CPNE4: variants seen among roughly 807,000 people sequenced by gnomAD.
CPNE4 encodes copine-4.
A neutral mutation model predicts 67.9 loss-of-function variants in CPNE4; 25 were observed. The observed-to-expected ratio is 0.37, with a 90% confidence interval of 0.27 to 0.51. The LOEUF (loss-of-function observed/expected upper bound fraction) is 0.51. Ranked by LOEUF, CPNE4 falls within the 20% of genes least tolerant of loss-of-function variation. The pLI is 0.93. For missense variants in CPNE4, 464 were observed against 690.8 expected (o/e 0.67, Z 3.68); for synonymous variants, 242 against 244.9 (o/e 0.99, Z 0.11).
At chr3:131,779,862 T>G (rs1265000858) in intron 2 of CPNE4, among the ~76,000 whole-genome samples, 1 of 151,994 alleles carries the variant, frequency 6.6e-6, no homozygotes, top group African/African-American at 2.4e-5. Flanking sequence ...CTAAAGAACT[T>G]CTGTACAACA....
intron 2 of CPNE4, among the ~76,000 whole-genome samples, chr3:131,870,155 T>C (rs1425887874): frequency 2.0e-5 from 3 of 152,122 alleles, no homozygotes; most frequent in African/African-American, 7.2e-5. Context: ...AGCCTCTTAG[T>C]GGAATCACAA....
intron 3 of CPNE4, among the ~76,000 whole-genome samples, chr3:131,710,507 A>G (rs551846674): frequency 6.6e-6 from 1 of 152,308 alleles, no homozygotes; most frequent in African/African-American, 2.4e-5. Flanking sequence ...TCAAATTTAC[A>G]CAGGCTTGTA....
At chr3:131,969,590 G>A (rs1177275049) in intron 1 of CPNE4, among the ~76,000 whole-genome samples, 1 of 151,950 alleles carries the variant, frequency 6.6e-6, no homozygotes, top group Non-Finnish European at 1.5e-5. Context: ...TCTTCTCACT[G>A]ACTAAGAACA....
At chr3:131,603,428 A>T (rs931297484) in intron 7 of CPNE4, among the ~76,000 whole-genome samples, 1 of 152,176 alleles carries the variant, frequency 6.6e-6, no homozygotes, top group Non-Finnish European at 1.5e-5. Flanking sequence ...TGAGTGAACA[A>T]AAGCAAAATG....
intron 1 of CPNE4, among the ~76,000 whole-genome samples, chr3:131,936,941 A>G (rs1187006837): frequency 6.6e-6 from 1 of 151,918 alleles, no homozygotes; most frequent in Non-Finnish European, 1.5e-5. Flanking sequence ...AGTAAAGGAC[A>G]TAAAAACTAA....
At position 131,568,709 on chromosome 3, in the gene CPNE4, T is replaced by A. The variant is rs1411806329; in HGVS notation, c.928-4360A>T. On this transcript the variant is annotated intron_variant, in intron 10 of 15. Transcript: ENST00000429747. ...CCTCCATGACACCAAGTCCCCAGTG[T>A]GTGGAGCTGTTCCTGGGAAAAGGCT... Among the ~76,000 whole-genome samples the A allele has an allele frequency of 2.0e-5, 3 of 152,060 alleles. No individual in the cohort carries two copies. The East Asian group carries it at 5.8e-4, about 29-fold the overall frequency.
At chr3:131,627,594 A>C in intron 7 of CPNE4, among the ~76,000 whole-genome samples, 1 of 152,206 alleles carries the variant, frequency 6.6e-6, no homozygotes, top group East Asian at 1.9e-4. Flanking sequence ...GGGCAAAGTA[A>C]ATTGAAAATA....
intron 1 of CPNE4, among the ~76,000 whole-genome samples, chr3:131,909,394 A>G (rs2088892991): frequency 6.6e-6 from 1 of 152,160 alleles, no homozygotes; most frequent in Admixed American, 6.6e-5. Flanking sequence ...TGCAATTCAC[A>G]AGGCATCTGA....
intron 2 of CPNE4, among the ~76,000 whole-genome samples, chr3:131,882,321 T>A (rs888471410): frequency 3.3e-5 from 5 of 152,180 alleles, no homozygotes; most frequent in African/African-American, 4.8e-5. Context: ...CAAATGCAAT[T>A]AGAATCATTT....
chr3:131,984,296 T>A (rs2072987523), intron 1 of CPNE4, among the ~76,000 whole-genome samples: 1 of 152,214 alleles, frequency 6.6e-6, no homozygotes, highest in Admixed American at 6.5e-5. Flanking sequence ...CATATTAGAA[T>A]TTAATGGTTA....
At chr3:131,896,887 C>G (rs1339315138) in intron 2 of CPNE4, among the ~76,000 whole-genome samples, 1 of 152,032 alleles carries the variant, frequency 6.6e-6, no homozygotes, top group Non-Finnish European at 1.5e-5. Flanking sequence ...CTCAGGAATA[C>G]TTGCTCTAAA....
At chr3:131,548,703 C>G (rs1315543233) in intron 14 of CPNE4, among the ~76,000 whole-genome samples, 1 of 151,532 alleles carries the variant, frequency 6.6e-6, no homozygotes, top group Non-Finnish European at 1.5e-5. Context: ...ATATAGGGAG[C>G]GAAAGAGAAA....
intron 7 of CPNE4, among the ~76,000 whole-genome samples, chr3:131,656,428 G>C (rs1347637201): frequency 1.3e-5 from 2 of 152,110 alleles, no homozygotes; most frequent in Non-Finnish European, 2.9e-5. Context: ...GTAGATAAGA[G>C]GGGTATTTTT....
At chr3:132,000,162 G>A (rs1004965674) in intron 1 of CPNE4, among the ~76,000 whole-genome samples, 7 of 151,904 alleles carry the variant, frequency 4.6e-5, no homozygotes, top group African/African-American at 1.4e-4. Flanking sequence ...AGATAGGATA[G>A]ATAAAAAGAT....
At chr3:131,791,359 T>A (rs2083714107) in intron 2 of CPNE4, among the ~76,000 whole-genome samples, 1 of 152,190 alleles carries the variant, frequency 6.6e-6, no homozygotes, top group Non-Finnish European at 1.5e-5. Context: ...TTATTTTTAG[T>A]CATCCAACAA....
At chr3:131,800,548 C>T (rs976579016) in intron 2 of CPNE4, among the ~76,000 whole-genome samples, 1 of 152,192 alleles carries the variant, frequency 6.6e-6, no homozygotes, top group African/African-American at 2.4e-5. Context: ...TAGGGACTCT[C>T]TCAATTCTGT....
intron 2 of CPNE4, among the ~76,000 whole-genome samples, chr3:131,819,521 C>T (rs1396482968): frequency 6.6e-6 from 1 of 151,584 alleles, no homozygotes; most frequent in African/African-American, 2.4e-5. Flanking sequence ...CACACACACA[C>T]ACGCACAGTT....
chr3:131,775,243 AG>A (rs1255243823), intron 2 of CPNE4, among the ~76,000 whole-genome samples: 1 of 152,150 alleles, frequency 6.6e-6, no homozygotes, highest in Non-Finnish European at 1.5e-5. Flanking sequence ...ATGAGGCAGT[AG>A]AATTTGAATA....
intron 2 of CPNE4, among the ~76,000 whole-genome samples, chr3:131,882,530 A>G (rs2087718470): frequency 6.6e-6 from 1 of 152,216 alleles, no homozygotes; most frequent in Non-Finnish European, 1.5e-5. Flanking sequence ...CAATATGAAT[A>G]TCCTTTAACC....
Sources: allele counts gnomAD v4.1 joint callset (sites outside exome capture counted in the v4.1 genomes callset), GRCh38; gene constraint gnomAD v4.1.1; transcripts MANE v1.5; gene names NCBI Gene and HGNC (gene_info 2026-07-23, HGNC 2026-07-21).